The following MAPKAP1 variants were observed in gnomAD, a reference collection of about 807,000 sequenced individuals.
MAPKAP1 encodes target of rapamycin complex 2 subunit MAPKAP1.
A neutral mutation model predicts 65.7 loss-of-function variants in MAPKAP1; 20 were observed. The observed-to-expected ratio is 0.30, with a 90% CI of 0.21 to 0.44. MAPKAP1 has a LOEUF of 0.44. Among genes scored for constraint, MAPKAP1 ranks in the 20% least tolerant of loss-of-function variants. The pLI is 1.00. For missense variants in MAPKAP1, 423 were observed against 648.0 expected (o/e 0.65, Z 3.77); for synonymous variants, 222 against 244.3 (o/e 0.91, Z 0.85).
chr9:125,642,430 G>A (rs1833606580), intron 4 of MAPKAP1, among the ~76,000 whole-genome samples: 1 of 152,088 alleles, frequency 6.6e-6, no homozygotes, highest in African/African-American at 2.4e-5. Context: ...CTGAAAAACA[G>A]AGTATGGACA....
At chr9:125,529,503 CAAAAAA>C (rs58127214) in intron 7 of MAPKAP1, among the ~76,000 whole-genome samples, 1 of 137,350 alleles carries the variant, frequency 7.3e-6, no homozygotes, top group Non-Finnish European at 1.6e-5. Context: ...AGTAGTGTGC[CAAAAAA>C]AAAAAAGAAA....
intron 5 of MAPKAP1, among the ~76,000 whole-genome samples, chr9:125,571,807 G>A (rs1234333748): frequency 6.6e-6 from 1 of 152,158 alleles, no homozygotes; most frequent in Non-Finnish European, 1.5e-5. Flanking sequence ...AGATTGCAGT[G>A]AGCCAAGATC....
intron 4 of MAPKAP1, among the ~76,000 whole-genome samples, chr9:125,632,217 G>A (rs560215898): frequency 1.0e-4 from 4 of 39,800 alleles, no homozygotes; most frequent in Admixed American, 6.3e-4. Flanking sequence ...GCAAGACTCC[G>A]TCTCAAAGAA....
intron 3 of MAPKAP1, among the ~76,000 whole-genome samples, chr9:125,668,325 C>T (rs960018290): frequency 2.0e-5 from 3 of 152,150 alleles, no homozygotes; most frequent in Admixed American, 2.0e-4. Flanking sequence ...ACAATAGCAA[C>T]GATACCTACA....
intron 7 of MAPKAP1, among the ~76,000 whole-genome samples, chr9:125,539,450 G>T (rs908002957): frequency 6.6e-6 from 1 of 152,090 alleles, no homozygotes; most frequent in African/African-American, 2.4e-5. Context: ...AGATCTAGAG[G>T]TATCTATATT....
intron 10 of MAPKAP1, among the ~76,000 whole-genome samples, chr9:125,452,323 T>A (rs916324504): frequency 3.4e-4 from 52 of 152,226 alleles, no homozygotes; most frequent in African/African-American, 1.2e-3. Flanking sequence ...AGTCTCGAAC[T>A]CCTGGCCTCA....
intron 7 of MAPKAP1, among the ~76,000 whole-genome samples, chr9:125,514,141 T>C (rs566062852): frequency 6.6e-6 from 1 of 152,316 alleles, no homozygotes; most frequent in East Asian, 1.9e-4. Flanking sequence ...TCCTGGCTTC[T>C]GCACGTGCCA....
chr9:125,607,583 T>G (rs917405362), intron 4 of MAPKAP1, among the ~76,000 whole-genome samples: 2 of 152,172 alleles, frequency 1.3e-5, no homozygotes, highest in Admixed American at 1.3e-4. Context: ...AACTCCAGAG[T>G]CTGAGTTCTT....
intron 10 of MAPKAP1, among the ~76,000 whole-genome samples, chr9:125,449,004 CAA>C (rs11358978): frequency 3.4e-4 from 30 of 89,044 alleles, no homozygotes; most frequent in African/African-American, 2.8e-4. Flanking sequence ...GACTCTGTCT[CAA>C]AAAAAAAAAA....
chr9:125,568,508 C>T (rs1184318861), intron 5 of MAPKAP1, among the ~76,000 whole-genome samples: 2 of 152,200 alleles, frequency 1.3e-5, no homozygotes, highest in Non-Finnish European at 2.9e-5. Context: ...CACCCTGCCA[C>T]AGGCAATACT....
intron 4 of MAPKAP1, among the ~76,000 whole-genome samples, chr9:125,593,740 C>T (rs1374627447): frequency 6.6e-6 from 1 of 152,224 alleles, no homozygotes; most frequent in African/African-American, 2.4e-5. Flanking sequence ...CAGAGCAGCT[C>T]CTAAATCAGG....
intron 10 of MAPKAP1, among the ~76,000 whole-genome samples, chr9:125,466,615 G>T (rs375694854): frequency 3.7e-4 from 57 of 152,318 alleles, no homozygotes; most frequent in African/African-American, 1.3e-3. Flanking sequence ...GGATTAGGAA[G>T]ATGTTTATCC....
At chr9:125,651,799 A>G (rs1043729639) in intron 4 of MAPKAP1, among the ~76,000 whole-genome samples, 6 of 152,128 alleles carry the variant, frequency 3.9e-5, no homozygotes, top group African/African-American at 1.2e-4. Flanking sequence ...TTCTTCATTC[A>G]TGGTTACCCC....
intron 8 of MAPKAP1, among the ~76,000 whole-genome samples, chr9:125,494,242 T>G (rs1589234958): frequency 6.6e-6 from 1 of 152,172 alleles, no homozygotes; most frequent in African/African-American, 2.4e-5. Context: ...GGCTACTAGT[T>G]ATTTTTGCTG....
chr9:125,565,030 G>A (rs537224447), intron 5 of MAPKAP1, among the ~76,000 whole-genome samples: 4 of 152,274 alleles, frequency 2.6e-5, no homozygotes, highest in Admixed American at 2.6e-4. Flanking sequence ...ACAACGAATG[G>A]ATGCAAAATA....
intron 7 of MAPKAP1, among the ~76,000 whole-genome samples, chr9:125,518,328 T>A (rs1829522146): frequency 6.6e-6 from 1 of 151,658 alleles, no homozygotes; most frequent in South Asian, 2.1e-4. Context: ...ACATCTGTAA[T>A]CCCATACTAC....
intron 4 of MAPKAP1, among the ~76,000 whole-genome samples, chr9:125,647,445 A>C (rs528792159): frequency 3.7e-4 from 57 of 152,302 alleles, no homozygotes; most frequent in Admixed American, 3.0e-3. Flanking sequence ...TACAACTGAA[A>C]TTCGGACAAC....
intron 10 of MAPKAP1, among the ~76,000 whole-genome samples, chr9:125,459,660 C>G (rs1038032236): frequency 6.6e-6 from 1 of 152,224 alleles, no homozygotes; most frequent in East Asian, 1.9e-4. Flanking sequence ...GAAAAAAATA[C>G]GAAAGCCAGT....
At chr9:125,580,023 A>G (rs1831569409) in intron 5 of MAPKAP1, among the ~76,000 whole-genome samples, 1 of 152,242 alleles carries the variant, frequency 6.6e-6, no homozygotes, top group South Asian at 2.1e-4. Flanking sequence ...ACTAGACTTT[A>G]TTCATGAAAA....
Sources: gnomAD v4.1 joint callset for allele counts (sites outside exome capture counted in the v4.1 genomes callset) on GRCh38, gnomAD v4.1.1 for gene constraint, MANE v1.5 for transcripts, NCBI Gene and HGNC (gene_info 2026-07-23, HGNC 2026-07-21) for gene names.